Variants in TEPSIN observed in about 807,000 individuals in gnomAD.
The protein encoded by TEPSIN is TEPSIN adaptor related protein complex 4 accessory protein.
Under a neutral mutation model 48.5 loss-of-function variants are expected in TEPSIN, and 50 were observed. The ratio of observed to expected loss-of-function variants is 1.03; its 90% CI spans 0.82 to 1.31. The LOEUF (loss-of-function observed/expected upper bound fraction) is 1.31. Among genes scored for constraint, TEPSIN ranks in the 50% most tolerant of loss-of-function variants. TEPSIN has a pLI of 0.00. For missense variants in TEPSIN, 838 were observed against 815.9 expected, an observed-to-expected ratio of 1.03 and a Z score of -0.33; for synonymous variants, 392 against 358.8, an observed-to-expected ratio of 1.09 and a Z score of -1.05.
intron 12 of TEPSIN, chr17:81,229,838 T>G: frequency 3.2e-6 from 1 of 309,950 alleles, no homozygotes. Flanking sequence ...GGACGCAGGG[T>G]TCTTCCAGCA....
intron 4 of TEPSIN, among the ~76,000 whole-genome samples, chr17:81,236,433 C>T (rs2062721222): frequency 6.6e-6 from 1 of 152,302 alleles, no homozygotes; most frequent in South Asian, 2.1e-4. Flanking sequence ...ACAGACGCAG[C>T]CAAAGGCCCA....
chr17:81,233,223 TCCATAAAGCAGC>T lies in TEPSIN; in HGVS notation c.526+197_526+208del. 1.6e-6 allele frequency: 1 copy of T among 617,592 alleles called. No homozygotes were observed. The highest frequency in any genetic ancestry group is 2.8e-6 in the Non-Finnish European group (1 of 359,498). 38.3% of individuals were successfully genotyped at this position (617,592 alleles called of 1,614,324 possible). ...TGCTCGGCCTGGTTTCTCTCATCTG[TCCATAAAGCAGC>T]CCTGGCCACACCTGCCCCACCCCCA... On this transcript the variant is annotated intron_variant, in intron 7 of 12. Coordinates refer to ENST00000637944, the MANE Select transcript of TEPSIN (RefSeq NM_001363764.2). This position sits in a 1 kb window ranked among gnomAD's most constrained non-coding sequence, Gnocchi z 5.8.
Position 81,233,142 on chromosome 17 carries a change from C to G in TEPSIN, c.526+290G>C. Reference sequence around the variant, plus strand: ...CTGCACCACAGCCAGGGGCACAGCCCTCGGCCCCTCTCAGAGTGGGACTCA... The same window carrying G: ...CTGCACCACAGCCAGGGGCACAGCCGTCGGCCCCTCTCAGAGTGGGACTCA... On this transcript the variant is annotated intron_variant, in intron 7 of 12. Coordinates refer to ENST00000637944, the MANE Select transcript of TEPSIN (RefSeq NM_001363764.2). The surrounding 1 kb of genome is among the most constrained non-coding windows in gnomAD (Gnocchi z 5.8). The G allele has an allele frequency of 1.9e-6, 1 of 524,326 alleles. No homozygotes were observed. Among genetic ancestry groups the G allele is most frequent in the East Asian group, 3.4e-5 (1 of 29,634 alleles). The allele number at this position is 524,326 out of a possible 1,614,324, so 32.5% of individuals were successfully genotyped here.
At chr17:81,231,243 GCACACA>G in intron 11 of TEPSIN, 149 bp downstream of exon 11, 1 of 737,872 alleles carries the variant, frequency 1.4e-6, no homozygotes, top group East Asian at 2.7e-5. Flanking sequence ...ACACCCACAC[GCACACA>G]CACAGGCATG....
intron 11 of TEPSIN, chr17:81,231,055 A>T (rs925813482): frequency 3.7e-5 from 19 of 508,950 alleles, no homozygotes; most frequent in Non-Finnish European, 5.6e-5. Flanking sequence ...ACACGCACAC[A>T]CGTGTCCACA....
Position 81,229,222 on chromosome 17 carries a change from G to A in TEPSIN, c.1488C>T (p.Pro496=), listed in dbSNP as rs749873427. ...TGGCCTCGGCCTCGCTGGGGTCTCC[G>A]GGGGCTGGAATGGGGGAGGCATCTG... is the stretch of plus-strand genomic sequence containing the variant. The part of the protein sequence containing the change: ...PPPDASPIPA[P]GDPSEAEARL... The change falls in exon 13 of 13, where the codon CCC becomes CCT. Residue 496 remains proline (P), a synonymous_variant. Transcript: ENST00000637944. 12 of 1,602,058 alleles carry A rather than the reference G, an allele frequency of 7.5e-6. No individual in the cohort carries two copies. Among genetic ancestry groups the A allele is most frequent in the East Asian group, 4.5e-5 (2 of 44,458 alleles).
chr17:81,237,298 G>A lies in TEPSIN; in HGVS notation c.121+89C>T, dbSNP rs2062740708. The A allele has an allele frequency of 2.1e-6, 3 of 1,446,350 alleles. No individual in the cohort carries two copies. The Admixed American group carries it at 5.8e-5, about 28-fold the overall frequency. 89.6% of individuals were successfully genotyped at this position (1,446,350 alleles called of 1,614,324 possible). A position where few individuals can be genotyped will look rare whatever the true frequency, so the allele number is the denominator to read the frequency against. On this transcript the variant is annotated intron_variant, in intron 2 of 12. Transcript: ENST00000637944. Reference sequence around the variant, plus strand: ...ATAAAGGAGCCGTGCATCCCCCTAGGGACAGCAGAATCCCCAGGAACCCTT... The same window carrying A: ...ATAAAGGAGCCGTGCATCCCCCTAGAGACAGCAGAATCCCCAGGAACCCTT...
chr17:81,238,599 C>T, intron 1 of TEPSIN: 2 of 1,092,576 alleles, frequency 1.8e-6, no homozygotes, highest in Non-Finnish European at 2.2e-6. Flanking sequence ...TCCTCTGAAA[C>T]GCCACCGTCA....
In TEPSIN at chr17:81,230,761, C is replaced by T. The variant is rs2146825097; in HGVS notation, c.1099-83G>A. ...GGCCTATTTGGCCATCTCTCTCCCT[C>T]TTCTTCCTCCTCATCAATGACTGGA... On this transcript the variant is annotated intron_variant, in intron 11 of 12. Coordinates refer to ENST00000637944, the MANE Select transcript of TEPSIN (RefSeq NM_001363764.2). This position sits in a 1 kb window ranked among gnomAD's most constrained non-coding sequence, Gnocchi z 4.2. The T allele has an allele frequency of 7.0e-7, 1 of 1,430,100 alleles. No individual in the cohort carries two copies. The highest frequency in any genetic ancestry group is 2.6e-5 in the East Asian group (1 of 38,730). The allele number at this position is 1,430,100 out of a possible 1,614,324, so 88.6% of individuals were successfully genotyped here. A position where few individuals can be genotyped will look rare whatever the true frequency, so the allele number is the denominator to read the frequency against.
In TEPSIN at chr17:81,229,597, G is replaced by A. The variant is rs192731184; in HGVS notation, c.1234-121C>T. On this transcript the variant is annotated intron_variant, in intron 12 of 12. Transcript: ENST00000637944. ...CACCCAGAGGGCAGGGCCACCTCTG[G>A]GCAGGACACCGGCTGCTGGGAGGGG... The A allele has an allele frequency of 5.4e-4, 572 of 1,062,610 alleles. 1 individual carries two copies. The African/African-American group carries it at 8.4e-3, about 16-fold the overall frequency. 65.8% of individuals were successfully genotyped at this position (1,062,610 alleles called of 1,614,324 possible). A position where few individuals can be genotyped will look rare whatever the true frequency, so the allele number is the denominator to read the frequency against.
Position 81,237,571 on chromosome 17 carries a change from G to A in TEPSIN, c.49-112C>T, listed in dbSNP as rs540869312. The A allele has an allele frequency of 1.5e-5, 17 of 1,127,220 alleles. No homozygotes were observed. In the East Asian group the frequency reaches 2.3e-4, roughly 15 times the overall value. The allele number at this position is 1,127,220 out of a possible 1,614,324, so 69.8% of individuals were successfully genotyped here. A position where few individuals can be genotyped will look rare whatever the true frequency, so the allele number is the denominator to read the frequency against. Reference sequence around the variant, plus strand: ...CCCACCTCTCACTGTTGACATGGCCGGAGAGAGGACTGGGAAGGGATGAGA... The same window carrying A: ...CCCACCTCTCACTGTTGACATGGCCAGAGAGAGGACTGGGAAGGGATGAGA... On this transcript the variant is annotated intron_variant, in intron 1 of 12. Coordinates refer to ENST00000637944, the MANE Select transcript of TEPSIN (RefSeq NM_001363764.2).
chr17:81,229,297 G>A lies in TEPSIN; in HGVS notation c.1413C>T (p.Ser471=). 6.3e-7 allele frequency: 1 copy of A among 1,574,860 alleles called. No homozygotes were observed. The highest frequency in any genetic ancestry group is 8.6e-7 in the Non-Finnish European group (1 of 1,160,206). Reference sequence around the variant, plus strand: ...ACGGCATCCCAGATGAGGGAGCAGGGCTCCGGGACGAGACCGGGGTTGAAC... The same window carrying A: ...ACGGCATCCCAGATGAGGGAGCAGGACTCCGGGACGAGACCGGGGTTGAAC... ...PLSSTPVSSR[S]PAPSSGMPSS... The change falls in exon 13 of 13, where the codon AGC becomes AGT. Residue 471 remains serine (S), a synonymous_variant. Coordinates refer to ENST00000637944, the MANE Select transcript of TEPSIN (RefSeq NM_001363764.2).
chr17:81,238,972 C>A lies in TEPSIN; in HGVS notation c.48+14G>T, dbSNP rs749137312. ...GCCGTGGGACCGGGGCCCGGGCGGA[C>A]CGCCCTCACTCACCCGGTGTAGAAA... On this transcript the variant is annotated intron_variant, in intron 1 of 12. Transcript: ENST00000637944. 4.8e-6 allele frequency: 7 copies of A among 1,450,138 alleles called. No individual in the cohort carries two copies. The highest frequency in any genetic ancestry group is 6.0e-5 in the East Asian group (2 of 33,182). The allele number at this position is 1,450,138 out of a possible 1,614,324, so 89.8% of individuals were successfully genotyped here.
rs1324098280 is a variant in TEPSIN at position 81,233,377 on chromosome 17, C to T, written c.526+55G>A. ...GGCGGCATGGTCCGGCCCCCACCACCTCCTCATCCCCACACCCTGAGATGC... is the reference window on the plus strand; with the variant it reads ...GGCGGCATGGTCCGGCCCCCACCACTTCCTCATCCCCACACCCTGAGATGC... On this transcript the variant is annotated intron_variant, in intron 7 of 12. Coordinates refer to ENST00000637944, the MANE Select transcript of TEPSIN (RefSeq NM_001363764.2). This position sits in a 1 kb window ranked among gnomAD's most constrained non-coding sequence, Gnocchi z 5.8. 3.8e-6 allele frequency: 6 copies of T among 1,591,088 alleles called. No individual in the cohort carries two copies. In the African/African-American group the frequency reaches 5.4e-5, roughly 14 times the overall value.
chr17:81,238,822 C>T (rs2062772895), intron 1 of TEPSIN, 164 bp downstream of exon 1: 4 of 1,332,482 alleles, frequency 3.0e-6, no homozygotes, highest in East Asian at 3.1e-5. Flanking sequence ...CGGGACGGCG[C>T]GGCGGGCGGG....
chr17:81,237,489 T>C (rs2062745122), intron 1 of TEPSIN, 30 bp from the exon 2 acceptor site: 1 of 1,587,602 alleles, frequency 6.3e-7, no homozygotes, highest in Admixed American at 1.8e-5. Flanking sequence ...CCTACCATGA[T>C]GAGGTGCCAT....
At chr17:81,235,538 G>A (rs1397361453) in intron 4 of TEPSIN, among the ~76,000 whole-genome samples, 3 of 152,176 alleles carry the variant, frequency 2.0e-5, no homozygotes, top group Admixed American at 2.0e-4. Context: ...AGAACCCAGG[G>A]TCTGAAGAAG....
chr17:81,234,967 T>C lies in TEPSIN; in HGVS notation c.308-919A>G, dbSNP rs1211578328. ...GGTCAGCACGACCATGAACCACAAA[T>C]AACATCTCCAACCAGAAACATTCCA... On this transcript the variant is annotated intron_variant, in intron 4 of 12. Coordinates refer to ENST00000637944, the MANE Select transcript of TEPSIN (RefSeq NM_001363764.2). This position sits in a 1 kb window ranked among gnomAD's most constrained non-coding sequence, Gnocchi z 5.4. Among the ~76,000 whole-genome samples, 1 of 151,958 alleles carries C rather than the reference T, an allele frequency of 6.6e-6. No homozygotes were observed. Among genetic ancestry groups the C allele is most frequent in the Non-Finnish European group, 1.5e-5 (1 of 68,000 alleles).
At chr17:81,232,896 T>C in intron 7 of TEPSIN, 1 of 229,430 alleles carries the variant, frequency 4.4e-6, no homozygotes, top group South Asian at 1.0e-4. Context: ...GACACCAAAG[T>C]GTCGGCAGGA....
Sources: gnomAD v4.1 joint callset for allele counts (sites outside exome capture counted in the v4.1 genomes callset) on GRCh38, gnomAD v4.1.1 for gene constraint, Gnocchi (gnomAD v3.1) non-coding constraint, MANE v1.5 for transcripts, NCBI Gene and HGNC (gene_info 2026-07-23, HGNC 2026-07-21) for gene names.